MARVELD2: variants seen among roughly 807,000 people sequenced by gnomAD.
MARVELD2 encodes the protein MARVEL domain containing 2.
In MARVELD2, 49 loss-of-function variants were observed where a neutral mutation model predicts 57.6. The ratio of observed to expected loss-of-function variants is 0.85; its 90% CI spans 0.68 to 1.08. MARVELD2 has a LOEUF of 1.08. Ranked by LOEUF, MARVELD2 falls within the 50% of genes least tolerant of loss-of-function variation. The probability of loss-of-function intolerance (pLI) is 0.00; values close to 1 mark genes in which losing one functional copy is unlikely to be tolerated. For synonymous variants in MARVELD2, 238 were observed against 258.8 expected, an observed-to-expected ratio of 0.92 and a Z score of 0.77; for missense variants, 606 against 701.1, an observed-to-expected ratio of 0.86 and a Z score of 1.53.
At chr5:69,440,371 C>A in intron 5 of MARVELD2, 79 bp from the exon 6 acceptor site, 1 of 722,742 alleles carries the variant, frequency 1.4e-6, no homozygotes. Flanking sequence ...ATTTTTTGTT[C>A]TAATTCTCAG....
chr5:69,435,716 G>T (rs1767112706), intron 5 of MARVELD2, among the ~76,000 whole-genome samples: 1 of 127,052 alleles, frequency 7.9e-6, no homozygotes, highest in Non-Finnish European at 1.6e-5. Context: ...TTGCGCCACT[G>T]CACTCCAGCC....
At chr5:69,436,093 G>A (rs1027484172) in intron 5 of MARVELD2, among the ~76,000 whole-genome samples, 2 of 152,118 alleles carry the variant, frequency 1.3e-5, no homozygotes, top group Non-Finnish European at 2.9e-5. Flanking sequence ...CTCATTGGCT[G>A]TTACGAATAA....
rs1452606637 is a variant in MARVELD2, at chr5:69,426,392, T to C, written c.1182+1756T>C. Among the ~76,000 whole-genome samples the C allele has an allele frequency of 3.3e-5, 5 of 150,570 alleles. No homozygotes were observed. In the South Asian group the frequency reaches 8.3e-4, roughly 25 times the overall value. On this transcript the variant is annotated intron_variant, in intron 3 of 6. Coordinates refer to ENST00000325631, the MANE Select transcript of MARVELD2 (RefSeq NM_001038603.3). ...CTCTGTCGCCCAGGCTGGAGTGCAG[T>C]GGTGCGATCTCAGCTCACTGCAACC...
In MARVELD2 at chr5:69,441,040, G is replaced by A. The variant is rs533342531; in HGVS notation, c.1555-492G>A. Among the ~76,000 whole-genome samples the A allele has an allele frequency of 3.9e-5, 6 of 152,182 alleles. 1 individual carries two copies. Among genetic ancestry groups the A allele is most frequent in the African/African-American group, 9.6e-5 (4 of 41,546 alleles). On this transcript the variant is annotated intron_variant, in intron 6 of 6. Coordinates refer to ENST00000325631, the MANE Select transcript of MARVELD2 (RefSeq NM_001038603.3). The stretch of plus-strand genomic sequence containing the variant: ...CAGAGGTTGCACTGGGAGACAGTAC[G>A]CCACTGCACTCTAGCCTGGGCAACA...
At chr5:69,422,047 A>T (rs1766645939) in intron 2 of MARVELD2, among the ~76,000 whole-genome samples, 1 of 151,558 alleles carries the variant, frequency 6.6e-6, no homozygotes. Context: ...CCCAATCAAT[A>T]CCCTTGTGAT....
At position 69,441,607 on chromosome 5, in the gene MARVELD2, C is replaced by G. The variant is rs1345350883; in HGVS notation, c.1630C>G (p.Gln544Glu). 1 of 1,595,836 alleles carries G rather than the reference C, an allele frequency of 6.3e-7. No individual in the cohort carries two copies. The change falls in exon 7 of 7, where the codon CAA becomes GAA. Residue 544 changes from glutamine to glutamate, a missense_variant. Gln to Glu is a conservative substitution (Grantham distance 29, BLOSUM62 2). Transcript: ENST00000325631. ...ACTTTCTCACATAAAGCAAAGAATTCAAGAATATGATAAAGTAATGAATTG... is the reference window on the plus strand; with the variant it reads ...ACTTTCTCACATAAAGCAAAGAATTGAAGAATATGATAAAGTAATGAATTG... ...NKLSHIKQRIQEYDKVMNWDV... is the reference protein window; with the variant it reads ...NKLSHIKQRIEEYDKVMNWDV...
At chr5:69,432,442 TC>T in intron 3 of MARVELD2, 84 bp from the exon 4 acceptor site, 1 of 1,467,782 alleles carries the variant, frequency 6.8e-7, no homozygotes, top group Non-Finnish European at 9.4e-7. Context: ...CACCTGATCT[TC>T]TTCCTCATTT....
rs34011580 is a variant in MARVELD2, at chr5:69,433,462, CTTTTTTTT to C, written c.1503+376_1503+383del. ...CCACCGCATTTGGCATAAAATCTGGCTTTTTTTTTTTTTTAAGGCTAGAATCTCACTCT... is the reference window on the plus strand; with the variant it reads ...CCACCGCATTTGGCATAAAATCTGGCTTTTTTAAGGCTAGAATCTCACTCT... On this transcript the variant is annotated intron_variant, in intron 5 of 6. Transcript: ENST00000325631. 2.1e-5 allele frequency: 4 copies of C among 187,604 alleles called. No homozygotes were observed. The South Asian group carries it at 3.3e-4, about 15-fold the overall frequency. 11.6% of individuals were successfully genotyped at this position (187,604 alleles called of 1,614,324 possible). A position where few individuals can be genotyped will look rare whatever the true frequency, so the allele number is the denominator to read the frequency against.
chr5:69,435,022 CTT>C lies in MARVELD2; in HGVS notation c.1503+1946_1503+1947del, dbSNP rs754658859. 2.2e-4 allele frequency among the ~76,000 whole-genome samples: 27 copies of C among 121,660 alleles called. No individual in the cohort carries two copies. The East Asian group carries it at 3.7e-3, about 17-fold the overall frequency. 79.8% of individuals were successfully genotyped at this position (121,660 alleles called of 152,430 possible). On this transcript the variant is annotated intron_variant, in intron 5 of 6. Coordinates refer to ENST00000325631, the MANE Select transcript of MARVELD2 (RefSeq NM_001038603.3). ...GTGCCATTTTTTAATCAGATGTACTCTTTTTTTTTTTTTTTTTTGAGATGGAG... is the reference window on the plus strand; with the variant it reads ...GTGCCATTTTTTAATCAGATGTACTCTTTTTTTTTTTTTTTTGAGATGGAG...
At chr5:69,435,752 C>CAAAAA (rs35281029) in intron 5 of MARVELD2, among the ~76,000 whole-genome samples, 2 of 64,780 alleles carry the variant, frequency 3.1e-5, no homozygotes, top group African/African-American at 6.2e-5. Flanking sequence ...GACCCTGTCT[C>CAAAAA]AAAAAAAAAA....
At chr5:69,425,346 T>C (rs1766754563) in intron 3 of MARVELD2, among the ~76,000 whole-genome samples, 1 of 150,428 alleles carries the variant, frequency 6.6e-6, no homozygotes, top group Admixed American at 6.6e-5. Flanking sequence ...TATACATATG[T>C]GACTAACCTG....
chr5:69,419,768 C>A lies in MARVELD2; in HGVS notation c.383C>A (p.Ser128Ter). ...TCTCCAGCAAGACCAAACCACCGTTCGCCCCTCAACTCCTGCAAAGATCCC... is the reference window on the plus strand; with the variant it reads ...TCTCCAGCAAGACCAAACCACCGTTAGCCCCTCAACTCCTGCAAAGATCCC... ...PASPARPNHRSPLNSCKDPYG... is the reference protein window; with the variant it reads ...PASPARPNHR Residue 128 changes from serine (S) to a stop codon, truncating the protein, a stop_gained, in exon 2 of 7, where the codon TCG (serine) becomes TAG (stop). Transcript: ENST00000325631. LOFTEE classifies it high-confidence loss of function. 1.9e-6 allele frequency: 3 copies of A among 1,614,124 alleles called. No individual in the cohort carries two copies. Among genetic ancestry groups the A allele is most frequent in the Non-Finnish European group, 2.5e-6 (3 of 1,180,020 alleles).
At chr5:69,426,711 T>C (rs1219523016) in intron 3 of MARVELD2, among the ~76,000 whole-genome samples, 2 of 152,096 alleles carry the variant, frequency 1.3e-5, no homozygotes, top group Admixed American at 6.6e-5. Context: ...ATTTACTTGG[T>C]TGAAAATTCA....
intron 3 of MARVELD2, among the ~76,000 whole-genome samples, chr5:69,424,933 G>A (rs1385495342): frequency 3.3e-5 from 5 of 151,880 alleles, no homozygotes; most frequent in African/African-American, 9.7e-5. Flanking sequence ...GCTGAGGCAC[G>A]AGAACCACTT....
intron 5 of MARVELD2, 98 bp downstream of exon 5, chr5:69,433,191 T>A: frequency 8.1e-7 from 1 of 1,231,512 alleles, no homozygotes; most frequent in East Asian, 2.5e-5. Context: ...TGAGACAGAG[T>A]CTTGTTCTGT....
chr5:69,421,643 T>G (rs1766629572), intron 2 of MARVELD2, among the ~76,000 whole-genome samples: 1 of 152,042 alleles, frequency 6.6e-6, no homozygotes, highest in Admixed American at 6.6e-5. Flanking sequence ...TTTTTTTTCT[T>G]TAGAGATGAG....
chr5:69,428,225 G>GAGATCTGAGATTGAT (rs1173761529), intron 3 of MARVELD2, among the ~76,000 whole-genome samples: 1,376 of 40,992 alleles, frequency 0.034, 120 homozygotes, highest in South Asian at 0.043. Flanking sequence ...ATTTAGGCCG[G>GAGATCTGAGATTGAT]GCATGGTGGC....
At chr5:69,432,468 C>G in intron 3 of MARVELD2, 59 bp from the exon 4 acceptor site, 1 of 1,563,196 alleles carries the variant, frequency 6.4e-7, no homozygotes. Flanking sequence ...AGAATGAATT[C>G]AGAGGGTTTT....
chr5:69,425,144 A>G (rs1357391576), intron 3 of MARVELD2, among the ~76,000 whole-genome samples: 2 of 150,730 alleles, frequency 1.3e-5, no homozygotes, highest in African/African-American at 4.9e-5. Context: ...TATCGCAAGA[A>G]CAAAAAACCA....
Sources: allele counts gnomAD v4.1 joint callset (sites outside exome capture counted in the v4.1 genomes callset), GRCh38; gene constraint gnomAD v4.1.1; transcripts MANE v1.5; gene names NCBI Gene and HGNC (gene_info 2026-07-23, HGNC 2026-07-21).